Variants in PACRG observed in about 807,000 individuals in gnomAD.
PACRG encodes parkin coregulated, also known as parkin coregulated gene protein.
PACRG carries 29 observed loss-of-function variants against 29.7 expected under a neutral mutation model. That is an observed-to-expected ratio of 0.98 (90% CI 0.73 to 1.33). The LOEUF is 1.33. PACRG is among the 40% of genes most tolerant of loss of function. PACRG has a pLI of 0.00. For missense variants in PACRG, 279 were observed against 316.2 expected (o/e 0.88, Z 0.89); for synonymous variants, 116 against 118.7 (o/e 0.98, Z 0.15).
intron 4 of PACRG, among the ~76,000 whole-genome samples, chr6:163,218,448 C>T (rs1781450332): frequency 6.6e-6 from 1 of 152,200 alleles, no homozygotes; most frequent in African/African-American, 2.4e-5. Context: ...CTCTCTTCAA[C>T]AGAACTCCTT....
chr6:162,846,358 G>A (rs997085386), intron 2 of PACRG, among the ~76,000 whole-genome samples: 2 of 152,140 alleles, frequency 1.3e-5, no homozygotes, highest in Admixed American at 6.5e-5. Context: ...CATTCTCATA[G>A]CCCCCACACT....
At chr6:163,040,089 G>T (rs1022350003) in intron 2 of PACRG, among the ~76,000 whole-genome samples, 11 of 152,218 alleles carry the variant, frequency 7.2e-5, no homozygotes, top group African/African-American at 2.7e-4. Flanking sequence ...TGGGCCTAGG[G>T]CCCCACTGCT....
chr6:162,841,740 T>C (rs1562651860), intron 2 of PACRG, among the ~76,000 whole-genome samples: 1 of 151,372 alleles, frequency 6.6e-6, no homozygotes, highest in Non-Finnish European at 1.5e-5. Flanking sequence ...TTTAGTGCTA[T>C]AAATTTCCCT....
chr6:162,872,133 T>C (rs1792876344), intron 2 of PACRG, among the ~76,000 whole-genome samples: 1 of 152,178 alleles, frequency 6.6e-6, no homozygotes, highest in Non-Finnish European at 1.5e-5. Flanking sequence ...AGAGGGAAGT[T>C]CAGAGCTTGC....
At chr6:162,828,845 T>G (rs1297158582) in intron 2 of PACRG, among the ~76,000 whole-genome samples, 1 of 152,216 alleles carries the variant, frequency 6.6e-6, no homozygotes, top group Admixed American at 6.5e-5. Context: ...AATAATCTAG[T>G]AAATTGTGCA....
chr6:163,119,954 A>C (rs555959596), intron 4 of PACRG, among the ~76,000 whole-genome samples: 1 of 152,256 alleles, frequency 6.6e-6, no homozygotes, highest in East Asian at 1.9e-4. Context: ...TGAAAGACCA[A>C]ATGTTCATCA....
At chr6:163,192,896 C>G (rs1780277648) in intron 4 of PACRG, among the ~76,000 whole-genome samples, 1 of 152,178 alleles carries the variant, frequency 6.6e-6, no homozygotes, top group South Asian at 2.1e-4. Flanking sequence ...TTAAAAAGAT[C>G]TGACACACTT....
intron 2 of PACRG, among the ~76,000 whole-genome samples, chr6:162,998,256 A>G (rs1804261949): frequency 6.6e-6 from 1 of 152,146 alleles, no homozygotes; most frequent in African/African-American, 2.4e-5. Flanking sequence ...TTTAAGCAGG[A>G]ATCTTAACTC....
chr6:162,845,884 C>T (rs765287180), intron 2 of PACRG, among the ~76,000 whole-genome samples: 12 of 152,192 alleles, frequency 7.9e-5, no homozygotes. Context: ...TACTAAATAT[C>T]ACCTTATGAT....
chr6:163,070,547 A>G (rs1194289072), intron 3 of PACRG, among the ~76,000 whole-genome samples: 2 of 152,074 alleles, frequency 1.3e-5, no homozygotes, highest in Non-Finnish European at 2.9e-5. Context: ...CATACAATGG[A>G]TATACATAAA....
At chr6:163,313,087 C>G (rs1785498236) in intron 4 of PACRG, among the ~76,000 whole-genome samples, 1 of 150,096 alleles carries the variant, frequency 6.7e-6, no homozygotes, top group African/African-American at 2.5e-5. Context: ...GTTCCTCTCT[C>G]TCATTCGTGT....
intron 3 of PACRG, among the ~76,000 whole-genome samples, chr6:163,079,714 C>A (rs934662012): frequency 6.6e-6 from 1 of 151,922 alleles, no homozygotes; most frequent in African/African-American, 2.4e-5. Context: ...TTTTCAAACT[C>A]CTTCTTGGAA....
chr6:163,086,292 G>A (rs182352640), intron 3 of PACRG, among the ~76,000 whole-genome samples: 72 of 152,304 alleles, frequency 4.7e-4, no homozygotes, highest in African/African-American at 1.2e-3. Context: ...AACACGCTGC[G>A]TGCCTTCTTC....
chr6:163,312,760 T>G (rs1297944301), intron 4 of PACRG: 4 of 440,528 alleles, frequency 9.1e-6, no homozygotes, highest in Non-Finnish European at 1.8e-5. Flanking sequence ...TTTGTTTTGT[T>G]TGTTTGTTTT....
chr6:162,928,154 T>C (rs78798694), intron 2 of PACRG, among the ~76,000 whole-genome samples: 3 of 152,036 alleles, frequency 2.0e-5, no homozygotes, highest in African/African-American at 4.8e-5. Flanking sequence ...TTGGGCTTTT[T>C]TTGAGGGGAG....
At chr6:163,177,710 A>ATATTTTTTTTTTTTT (rs1779440928) in intron 4 of PACRG, among the ~76,000 whole-genome samples, 2 of 53,744 alleles carry the variant, frequency 3.7e-5, no homozygotes. Context: ...TAGAAAAGGG[A>ATATTTTTTTTTTTTT]TTTTTTTTTT....
intron 2 of PACRG, among the ~76,000 whole-genome samples, chr6:162,927,822 C>T (rs1012063036): frequency 6.6e-6 from 1 of 151,808 alleles, no homozygotes; most frequent in African/African-American, 2.4e-5. Flanking sequence ...AACAAACAAA[C>T]AAACAAACAA....
rs938821180 is a variant in PACRG at position 162,963,397 on chromosome 6, C to A, written c.292-98753C>A. On this transcript the variant is annotated intron_variant, in intron 2 of 4. Transcript: ENST00000366888. ...AGGTGCTGATAAAACTCTCATGGGT[C>A]ACAAATTTATTATATGAAATTTTCA... Among the ~76,000 whole-genome samples the A allele has an allele frequency of 2.0e-4, 30 of 151,772 alleles. 1 individual carries two copies. The highest frequency in any genetic ancestry group is 4.0e-4 in the Non-Finnish European group (27 of 67,950).
intron 1 of PACRG, among the ~76,000 whole-genome samples, chr6:162,760,822 C>T (rs1437465328): frequency 1.3e-5 from 2 of 152,004 alleles, no homozygotes; most frequent in East Asian, 3.9e-4. Context: ...GATACTCCGC[C>T]CAGAGTATAC....
Sources: allele counts gnomAD v4.1 joint callset (sites outside exome capture counted in the v4.1 genomes callset), GRCh38; gene constraint gnomAD v4.1.1; transcripts MANE v1.5; gene names NCBI Gene and HGNC (gene_info 2026-07-23, HGNC 2026-07-21).